Variants in SPMIP2 observed in about 807,000 individuals in gnomAD.
SPMIP2 encodes the protein sperm microtubule inner protein 2, also known as protein SPMIP2.
the SPMIP2 span, among the ~76,000 whole-genome samples, chr4:158,925,933 TG>T: frequency 6.6e-6 from 1 of 152,196 alleles, no homozygotes; most frequent in Non-Finnish European, 1.5e-5. Context: ...ATCTTCTTCC[TG>T]TGTCCTCACA....
At chr4:159,047,146 G>A in the SPMIP2 span, among the ~76,000 whole-genome samples, 10 of 152,136 alleles carry the variant, frequency 6.6e-5, no homozygotes, top group Admixed American at 6.5e-4. Context: ...ATTTAGAAAA[G>A]TTAAAAATAT....
chr4:158,943,826 C>T, the SPMIP2 span, among the ~76,000 whole-genome samples: 3 of 148,750 alleles, frequency 2.0e-5, no homozygotes, highest in Admixed American at 6.8e-5. Context: ...ACACTTGGCC[C>T]TTCATCTGCC....
the SPMIP2 span, among the ~76,000 whole-genome samples, chr4:158,913,197 A>T: frequency 6.6e-6 from 1 of 152,172 alleles, no homozygotes; most frequent in Non-Finnish European, 1.5e-5. Context: ...GTCGTCAGTT[A>T]ATACTTTTTG....
the SPMIP2 span, among the ~76,000 whole-genome samples, chr4:158,894,244 C>T: frequency 1.3e-5 from 2 of 148,526 alleles, no homozygotes; most frequent in East Asian, 2.0e-4. Context: ...GATGTTGGCT[C>T]ACTGCAGCCT....
the SPMIP2 span, among the ~76,000 whole-genome samples, chr4:158,993,318 G>A: frequency 6.6e-6 from 1 of 151,840 alleles, no homozygotes; most frequent in Non-Finnish European, 1.5e-5. Context: ...AGTGAGCTAT[G>A]ATCATGCCAC....
chr4:159,072,143 C>T, the SPMIP2 span, among the ~76,000 whole-genome samples: 4 of 152,068 alleles, frequency 2.6e-5, no homozygotes, highest in African/African-American at 4.8e-5. Context: ...GCAAAGCCCC[C>T]GCTATACAAA....
At chr4:159,049,767 G>T in the SPMIP2 span, among the ~76,000 whole-genome samples, 1 of 148,672 alleles carries the variant, frequency 6.7e-6, no homozygotes, top group Non-Finnish European at 1.5e-5. Flanking sequence ...TTTATACAAG[G>T]TTAGAATCCA....
chr4:158,927,284 T>C, the SPMIP2 span, among the ~76,000 whole-genome samples: 1 of 152,146 alleles, frequency 6.6e-6, no homozygotes, highest in South Asian at 2.1e-4. Flanking sequence ...GAGACTAAAT[T>C]ATCTGACATT....
the SPMIP2 span, among the ~76,000 whole-genome samples, chr4:159,002,991 C>T: frequency 1.3e-5 from 2 of 152,178 alleles, no homozygotes; most frequent in African/African-American, 4.8e-5. Flanking sequence ...TCCTCTAAAA[C>T]GTCATTTTCT....
the SPMIP2 span, among the ~76,000 whole-genome samples, chr4:159,082,691 C>A: frequency 6.6e-6 from 1 of 152,116 alleles, no homozygotes; most frequent in African/African-American, 2.4e-5. Flanking sequence ...TTAATCTGAT[C>A]ATAATTAGAA....
At chr4:159,031,290 A>G in the SPMIP2 span, among the ~76,000 whole-genome samples, 1 of 152,220 alleles carries the variant, frequency 6.6e-6, no homozygotes, top group Non-Finnish European at 1.5e-5. Flanking sequence ...GCATCCCTAA[A>G]GAGTTGAACT....
the SPMIP2 span, among the ~76,000 whole-genome samples, chr4:159,066,578 G>A: frequency 7.6e-6 from 1 of 132,082 alleles, no homozygotes; most frequent in Non-Finnish European, 1.6e-5. Flanking sequence ...GATGACATAC[G>A]TGTGTGTATT....
chr4:159,049,335 C>G, the SPMIP2 span, among the ~76,000 whole-genome samples: 893 of 152,242 alleles, frequency 5.9e-3, 8 homozygotes, highest in African/African-American at 0.021. Flanking sequence ...AAAAGCACCA[C>G]AATAGCTTTG....
chr4:158,944,631 A>G, the SPMIP2 span, among the ~76,000 whole-genome samples: 2 of 152,194 alleles, frequency 1.3e-5, no homozygotes, highest in South Asian at 2.1e-4. Context: ...GAAACCTGGA[A>G]TCCACCTGAA....
chr4:159,065,579 G>A, the SPMIP2 span, among the ~76,000 whole-genome samples: 11 of 152,250 alleles, frequency 7.2e-5, no homozygotes, highest in East Asian at 1.9e-4. Flanking sequence ...TTAGCCAGGC[G>A]TGGTGGCATG....
the SPMIP2 span, among the ~76,000 whole-genome samples, chr4:158,968,902 C>T: frequency 3.3e-5 from 5 of 152,248 alleles, no homozygotes; most frequent in East Asian, 1.9e-4. Flanking sequence ...TTCATGACAG[C>T]GGAACTTGTG....
the SPMIP2 span, among the ~76,000 whole-genome samples, chr4:158,913,882 A>C: frequency 6.6e-6 from 1 of 151,968 alleles, no homozygotes. Flanking sequence ...GTTGGGGGGC[A>C]TCATGTCTGC....
At chr4:158,901,655 A>G in the SPMIP2 span, among the ~76,000 whole-genome samples, 1 of 151,948 alleles carries the variant, frequency 6.6e-6, no homozygotes, top group South Asian at 2.1e-4. Flanking sequence ...CTTTTCACAT[A>G]GTCTCATATT....
chr4:159,007,320 TC>T, the SPMIP2 span: 1 of 756,088 alleles, frequency 1.3e-6, no homozygotes, highest in Non-Finnish European at 2.3e-6. Flanking sequence ...GGACATCTCA[TC>T]CCAGGCCCTC....
Sources: gnomAD v4.1 joint callset for allele counts (sites outside exome capture counted in the v4.1 genomes callset) on GRCh38, gnomAD v4.1.1 for gene constraint, MANE v1.5 for transcripts, NCBI Gene and HGNC (gene_info 2026-07-23, HGNC 2026-07-21) for gene names.